Variants in NHS observed in about 807,000 individuals in gnomAD.
The protein encoded by NHS is NHS actin remodeling regulator.
In NHS, 5 loss-of-function variants were observed where a neutral mutation model predicts 72.5. That is an observed-to-expected ratio of 0.07 (90% CI 0.04 to 0.14). NHS has a LOEUF of 0.14. Among genes scored for constraint, NHS ranks in the 10% least tolerant of loss-of-function variants. The pLI is 1.00. For missense variants in NHS, 1,072 were observed against 1,355.7 expected, an observed-to-expected ratio of 0.79 and a Z score of 3.29; for synonymous variants, 464 against 547.7, an observed-to-expected ratio of 0.85 and a Z score of 2.13.
At chrX:17,678,727 A>G (rs1044418682) in intron 1 of NHS, among the ~76,000 whole-genome samples, 1 of 111,052 alleles carries the variant, frequency 9.0e-6, no homozygotes, top group Admixed American at 9.5e-5. Flanking sequence ...TCCAAACCAT[A>G]TCAAAGAGAG....
rs902146342 is a variant in NHS, at chrX:17,392,728, G to T, written c.565+16406G>T. On this transcript the variant is annotated intron_variant, in intron 1 of 8. Transcript: ENST00000676302. ...GACATGCTTAAAACCTAATTATAAT[G>T]CAAATAACGAATGTGCACAAATCAT... Among the ~76,000 whole-genome samples, 13 of 111,799 alleles carry T rather than the reference G, an allele frequency of 1.2e-4. 1 individual carries two copies. The highest frequency in any genetic ancestry group is 4.7e-4 in the Admixed American group (5 of 10,554).
intron 1 of NHS, among the ~76,000 whole-genome samples, chrX:17,607,904 TTTTTC>T (rs895799232): frequency 4.7e-5 from 5 of 107,169 alleles, no homozygotes; most frequent in Admixed American, 1.0e-4. Flanking sequence ...GTTTCTTCTC[TTTTTC>T]TTTTCTTTTC....
chrX:17,375,451 T>G lies in NHS; in HGVS notation c.-307T>G. The G allele has an allele frequency of 1.8e-5, 7 of 388,166 alleles. No individual in the cohort carries two copies. Among genetic ancestry groups the G allele is most frequent in the South Asian group, 5.3e-5 (1 of 18,872 alleles). The allele number at this position is 388,166 out of a possible 1,213,427, so 32.0% of individuals were successfully genotyped here. ...GACGGCGAGCACAGAAACGATGGAG[T>G]TGAGCCAGTCGACCCTGGTTGGAAG... On this transcript the variant is annotated 5_prime_UTR_variant, in exon 1 of 9. Coordinates refer to ENST00000676302, the MANE Select transcript of NHS (RefSeq NM_001291867.2).
chrX:17,601,305 C>G (rs1412958982), intron 1 of NHS, among the ~76,000 whole-genome samples: 2 of 111,594 alleles, frequency 1.8e-5, no homozygotes, highest in Admixed American at 9.5e-5. Flanking sequence ...TTGTGTTTTG[C>G]GAAATCATGG....
At chrX:17,630,336 G>A (rs768937865) in intron 1 of NHS, among the ~76,000 whole-genome samples, 1 of 107,287 alleles carries the variant, frequency 9.3e-6, no homozygotes, top group South Asian at 4.4e-4. Flanking sequence ...GGGGACCTTG[G>A]GCCAAGCCAG....
intron 1 of NHS, among the ~76,000 whole-genome samples, chrX:17,519,589 C>T (rs1242081140): frequency 1.8e-5 from 2 of 111,578 alleles, no homozygotes; most frequent in African/African-American, 6.5e-5. Flanking sequence ...GCACACCATC[C>T]GCCCGGATGT....
intron 3 of NHS, among the ~76,000 whole-genome samples, chrX:17,715,652 A>C (rs2066360539): frequency 9.0e-6 from 1 of 110,933 alleles, no homozygotes; most frequent in African/African-American, 3.3e-5. Context: ...TATATGGGTA[A>C]ACTTGTGTCA....
rs754197124 is a variant in NHS at position 17,694,870 on chromosome X, T to C, written c.852+2402T>C. Among the ~76,000 whole-genome samples, 3 of 111,975 alleles carry C rather than the reference T, an allele frequency of 2.7e-5. No homozygotes were observed. The South Asian group carries it at 1.1e-3, about 42-fold the overall frequency. On this transcript the variant is annotated intron_variant, in intron 3 of 8. Coordinates refer to ENST00000676302, the MANE Select transcript of NHS (RefSeq NM_001291867.2). ...GTGTTTAAATCCCAGCACTACAACTTTTTGGATGTGTGACTTGGAAAAAGC... is the reference window on the plus strand; with the variant it reads ...GTGTTTAAATCCCAGCACTACAACTCTTTGGATGTGTGACTTGGAAAAAGC...
chrX:17,486,376 A>G (rs1333209655), intron 1 of NHS, among the ~76,000 whole-genome samples: 2 of 112,119 alleles, frequency 1.8e-5, no homozygotes, highest in Non-Finnish European at 3.8e-5. Context: ...GCAAGTATCT[A>G]TTGTCATGTT....
Position 17,692,380 on chromosome X carries a change from C to G in NHS, c.764C>G (p.Pro255Arg). 1.7e-6 allele frequency: 2 copies of G among 1,210,998 alleles called. No individual in the cohort carries two copies. The highest frequency in any genetic ancestry group is 1.1e-6 in the Non-Finnish European group (1 of 895,194). The change falls in exon 3 of 9, where the codon CCC (proline) becomes CGC (arginine). Residue 255 changes from proline (P) to arginine (R), a missense_variant. Coordinates refer to ENST00000676302, the MANE Select transcript of NHS (RefSeq NM_001291867.2). ...CGCCGAGAGCAAAGAGCAGCTGCCC[C>G]CCTTTCCATTGCAGCTCCTCCACTG... ...SDRREQRAAA[P>R]LSIAAPPLPA...
intron 1 of NHS, among the ~76,000 whole-genome samples, chrX:17,387,385 G>A (rs1834096028): frequency 8.9e-6 from 1 of 111,783 alleles, no homozygotes; most frequent in Non-Finnish European, 1.9e-5. Flanking sequence ...TATATATAAT[G>A]GGTAAGGAGT....
chrX:17,419,015 G>T (rs1229734500), intron 1 of NHS, among the ~76,000 whole-genome samples: 2 of 112,582 alleles, frequency 1.8e-5, no homozygotes, highest in Non-Finnish European at 3.8e-5. Context: ...GAACCAAAAA[G>T]GAATGGGATT....
At chrX:17,591,627 C>T (rs1478973822) in intron 1 of NHS, among the ~76,000 whole-genome samples, 3 of 111,314 alleles carry the variant, frequency 2.7e-5, no homozygotes, top group Admixed American at 9.6e-5. Context: ...ATAAATTGCC[C>T]GAGGTGCACC....
chrX:17,609,080 C>T (rs141016885), intron 1 of NHS, among the ~76,000 whole-genome samples: 2 of 111,683 alleles, frequency 1.8e-5, no homozygotes, highest in African/African-American at 6.5e-5. Context: ...GAATATCACC[C>T]CTGGATATCG....
At chrX:17,504,923 TC>T (rs2065049908) in intron 1 of NHS, among the ~76,000 whole-genome samples, 1 of 111,875 alleles carries the variant, frequency 8.9e-6, no homozygotes, top group Non-Finnish European at 1.9e-5. Flanking sequence ...AGTCTTCCTC[TC>T]CCCTGAGTTC....
At chrX:17,564,780 C>A (rs1325966387) in intron 1 of NHS, among the ~76,000 whole-genome samples, 1 of 111,477 alleles carries the variant, frequency 9.0e-6, no homozygotes, top group Non-Finnish European at 1.9e-5. Context: ...GAGATATGTC[C>A]TGAGCACCTT....
chrX:17,590,715 A>G (rs1202218478), intron 1 of NHS, among the ~76,000 whole-genome samples: 1 of 111,798 alleles, frequency 8.9e-6, no homozygotes, highest in Non-Finnish European at 1.9e-5. Context: ...TGTGGAAAAC[A>G]CTTATAAAAT....
Position 17,545,807 on chromosome X carries a change from G to A in NHS, c.566-141935G>A, listed in dbSNP as rs769321106. On this transcript the variant is annotated intron_variant, in intron 1 of 8. Coordinates refer to ENST00000676302, the MANE Select transcript of NHS (RefSeq NM_001291867.2). ...ACTGTGCCTGACTTCTAATCTTTTG[G>A]AGGAGTGCACAAGGTGCTGTTACCC... is the stretch of plus-strand genomic sequence containing the variant. 2.7e-5 allele frequency among the ~76,000 whole-genome samples: 3 copies of A among 112,040 alleles called. No individual in the cohort carries two copies. In the East Asian group the frequency reaches 8.4e-4, roughly 32 times the overall value.
At chrX:17,627,552 CT>C (rs774669272) in intron 1 of NHS, among the ~76,000 whole-genome samples, 37 of 111,958 alleles carry the variant, frequency 3.3e-4, no homozygotes, top group Non-Finnish European at 4.5e-4. Flanking sequence ...CCAAGCCTTT[CT>C]TTAGCATTCA....
Sources: allele counts gnomAD v4.1 joint callset (sites outside exome capture counted in the v4.1 genomes callset), GRCh38; gene constraint gnomAD v4.1.1; transcripts MANE v1.5; gene names NCBI Gene and HGNC (gene_info 2026-07-23, HGNC 2026-07-21).